The following AGT variants were observed in gnomAD, a reference collection of about 807,000 sequenced individuals.
AGT encodes the protein angiotensinogen.
A neutral mutation model predicts 28.1 loss-of-function variants in AGT; 26 were observed. The observed-to-expected ratio is 0.92, with a 90% confidence interval of 0.68 to 1.28. The LOEUF (loss-of-function observed/expected upper bound fraction) is 1.28. Ranked by LOEUF, AGT falls within the 50% of genes most tolerant of loss-of-function variation. AGT has a pLI of 0.00. For synonymous variants in AGT, 259 were observed against 259.6 expected, an observed-to-expected ratio of 1.00 and a Z score of 0.02; for missense variants, 596 against 592.3, an observed-to-expected ratio of 1.01 and a Z score of -0.06.
intron 1 of AGT, among the ~76,000 whole-genome samples, chr1:230,739,585 G>C (rs762094388): frequency 2.0e-5 from 3 of 152,118 alleles, no homozygotes; most frequent in Non-Finnish European, 4.4e-5. Flanking sequence ...GTTGGAGCCA[G>C]GCTGAGCTTC....
intron 1 of AGT, among the ~76,000 whole-genome samples, chr1:230,743,489 T>C (rs1664287203): frequency 6.6e-6 from 1 of 152,202 alleles, no homozygotes; most frequent in Admixed American, 6.5e-5. Context: ...TGGTTACATC[T>C]GGAGTTAGCC....
chr1:230,741,369 C>G (rs990404002), intron 1 of AGT, among the ~76,000 whole-genome samples: 1 of 152,224 alleles, frequency 6.6e-6, no homozygotes, highest in Non-Finnish European at 1.5e-5. Flanking sequence ...CCAGGGGAAC[C>G]ACCAGGTCGT....
At chr1:230,740,292 G>A (rs1664224214) in intron 1 of AGT, among the ~76,000 whole-genome samples, 1 of 152,216 alleles carries the variant, frequency 6.6e-6, no homozygotes, top group East Asian at 1.9e-4. Context: ...CTTCTTTACT[G>A]CATCTTGTTT....
intron 1 of AGT, among the ~76,000 whole-genome samples, chr1:230,727,134 A>C (rs1663959169): frequency 6.6e-6 from 1 of 152,148 alleles, no homozygotes; most frequent in Admixed American, 6.5e-5. Context: ...CCCTAAAATC[A>C]CACCAGGAGT....
At chr1:230,736,519 G>A (rs929013108) in intron 1 of AGT, among the ~76,000 whole-genome samples, 1 of 151,428 alleles carries the variant, frequency 6.6e-6, no homozygotes, top group Non-Finnish European at 1.5e-5. Context: ...ACTCCATCTC[G>A]AAAAAAAAGA....
intron 1 of AGT, among the ~76,000 whole-genome samples, chr1:230,726,494 CA>C (rs368989775): frequency 4.8e-4 from 69 of 145,052 alleles, no homozygotes; most frequent in Admixed American, 1.4e-3. Context: ...CTAAAAGAAC[CA>C]AAAAAAAAAG....
chr1:230,711,719 G>A (rs1663596881), intron 1 of AGT, among the ~76,000 whole-genome samples: 1 of 151,684 alleles, frequency 6.6e-6, no homozygotes, highest in Admixed American at 6.6e-5. Context: ...AACCATCCCT[G>A]CATAGCGCTA....
At chr1:230,730,054 A>G (rs1369606082) in intron 1 of AGT, among the ~76,000 whole-genome samples, 1 of 152,032 alleles carries the variant, frequency 6.6e-6, no homozygotes, top group Non-Finnish European at 1.5e-5. Context: ...CCAGCTACTC[A>G]GGAGGCTCCT....
chr1:230,705,855 G>A, intron 3 of AGT, 78 bp downstream of exon 3: 2 of 1,576,532 alleles, frequency 1.3e-6, no homozygotes, highest in Non-Finnish European at 1.7e-6. Context: ...GCTCAGGTGT[G>A]TCTACTCCCC....
In AGT at chr1:230,710,639, G is replaced by A. The variant is rs112711075; in HGVS notation, c.185C>T (p.Pro62Leu). 9.4e-5 allele frequency: 151 copies of A among 1,614,248 alleles called. No homozygotes were observed. In the African/African-American group the frequency reaches 1.2e-3, roughly 13 times the overall value. Residue 62 changes from proline (P) to leucine (L), a missense_variant, in exon 2 of 5, where the codon CCA becomes CTA. By Grantham distance (98) the Pro-to-Leu change is moderately conservative (BLOSUM62 -3). Coordinates refer to ENST00000366667, the MANE Select transcript of AGT (RefSeq NM_001384479.1). ...KPKDPTFIPAPIQAKTSPVDE... is the reference protein window; with the variant it reads ...KPKDPTFIPALIQAKTSPVDE... ...CACAGGGGATGTCTTGGCCTGAATT[G>A]GAGCAGGTATGAAGGTGGGGTCTTT...
intron 1 of AGT, among the ~76,000 whole-genome samples, chr1:230,729,812 G>A (rs545014841): frequency 8.5e-5 from 13 of 152,176 alleles, no homozygotes; most frequent in African/African-American, 3.1e-4. Flanking sequence ...ATGCCTACAT[G>A]ACATAGCTGA....
chr1:230,730,600 G>T (rs1558294110), intron 1 of AGT, among the ~76,000 whole-genome samples: 1 of 152,148 alleles, frequency 6.6e-6, no homozygotes, highest in Non-Finnish European at 1.5e-5. Flanking sequence ...AGCTGTGTCT[G>T]CTTGGCTCCA....
intron 2 of AGT, among the ~76,000 whole-genome samples, chr1:230,708,383 C>T (rs567501262): frequency 6.6e-6 from 1 of 152,306 alleles, no homozygotes; most frequent in East Asian, 1.9e-4. Flanking sequence ...CAGCACTTCT[C>T]CTAGGGACAG....
intron 1 of AGT, among the ~76,000 whole-genome samples, chr1:230,724,791 A>G (rs1663909272): frequency 6.6e-6 from 1 of 152,202 alleles, no homozygotes; most frequent in Middle Eastern, 3.2e-3. Context: ...ATGCCACTAT[A>G]CTTCAGTCCG....
intron 1 of AGT, among the ~76,000 whole-genome samples, chr1:230,730,028 G>A (rs1220156199): frequency 6.6e-6 from 1 of 152,042 alleles, no homozygotes; most frequent in African/African-American, 2.4e-5. Context: ...AGGCGTGGTG[G>A]TGCACGCCTA....
intron 1 of AGT, among the ~76,000 whole-genome samples, chr1:230,744,013 T>C (rs911955771): frequency 6.6e-6 from 1 of 152,176 alleles, no homozygotes; most frequent in African/African-American, 2.4e-5. Context: ...GAGAAGAAAA[T>C]ACACTTAACA....
At chr1:230,709,938 A>G in intron 2 of AGT, 57 bp downstream of exon 2, 1 of 1,611,484 alleles carries the variant, frequency 6.2e-7, no homozygotes, top group South Asian at 1.1e-5. Flanking sequence ...GGCTGATCTC[A>G]GCTACACATT....
Position 230,710,364 on chromosome 1 carries a change from C to T in AGT, c.460G>A (p.Gly154Ser). The T allele has an allele frequency of 1.9e-6, 3 of 1,614,180 alleles. No homozygotes were observed. Among genetic ancestry groups the T allele is most frequent in the Non-Finnish European group, 2.5e-6 (3 of 1,180,034 alleles). ...HTADRLQAIL[G>S]VPWKDKNCTS... ...CAGTTCTTGTCCTTCCAAGGAACAC[C>T]CAGGATTGCCTGTAGCCTGTCAGCT... is the stretch of plus-strand genomic sequence containing the variant. The change falls in exon 2 of 5, where the codon GGT becomes AGT. Residue 154 changes from glycine (G) to serine (S), a missense_variant. Coordinates refer to ENST00000366667, the MANE Select transcript of AGT (RefSeq NM_001384479.1).
chr1:230,737,468 C>T (rs1161196146), intron 1 of AGT, among the ~76,000 whole-genome samples: 1 of 152,044 alleles, frequency 6.6e-6, no homozygotes, highest in East Asian at 1.9e-4. Context: ...CCCACCACCA[C>T]ACCTGGCTAA....
Sources: allele counts gnomAD v4.1 joint callset (sites outside exome capture counted in the v4.1 genomes callset), GRCh38; gene constraint gnomAD v4.1.1; transcripts MANE v1.5; gene names NCBI Gene and HGNC (gene_info 2026-07-23, HGNC 2026-07-21).